MIPEP: variants seen among roughly 807,000 people sequenced by gnomAD.
The protein encoded by MIPEP is mitochondrial intermediate peptidase.
In MIPEP, 79 loss-of-function variants were observed where a neutral mutation model predicts 90.3. That is an observed-to-expected ratio of 0.87 (90% CI 0.73 to 1.05). The LOEUF is 1.05. MIPEP is among the 50% of genes least tolerant of loss of function. The pLI, the probability that MIPEP is intolerant of heterozygous loss-of-function variation, is 0.00. For synonymous variants in MIPEP, 334 were observed against 315.8 expected (o/e 1.06, Z -0.61); for missense variants, 940 against 905.6 (o/e 1.04, Z -0.49).
intron 16 of MIPEP, among the ~76,000 whole-genome samples, chr13:23,779,847 G>A (rs1344144659): frequency 6.6e-6 from 1 of 152,246 alleles, no homozygotes; most frequent in Non-Finnish European, 1.5e-5. Flanking sequence ...CACTCACAGA[G>A]CCTCGTTCAT....
chr13:23,870,028 T>C lies in MIPEP; in HGVS notation c.771A>G (p.Glu257=). 1 of 1,596,178 alleles carries C rather than the reference T, an allele frequency of 6.3e-7. No individual in the cohort carries two copies. Among genetic ancestry groups the C allele is most frequent in the Admixed American group, 1.7e-5 (1 of 57,966 alleles). The part of the protein sequence containing the change: ...DHIIIDGLHA[E]SPDDLVREAA... The stretch of plus-strand genomic sequence containing the variant: ...ACATACATACCAAGTCATCTGGTGA[T>C]TCTGCGTGGAGACCATCAATTATGA... Residue 257 remains glutamate, a synonymous_variant, in exon 6 of 19, where the codon GAA becomes GAG. Coordinates refer to ENST00000382172, the MANE Select transcript of MIPEP (RefSeq NM_005932.4).
chr13:23,886,372 G>T lies in MIPEP; in HGVS notation c.324C>A (p.Phe108Leu), dbSNP rs1254879216. The T allele has an allele frequency of 1.2e-6, 2 of 1,600,862 alleles. No individual in the cohort carries two copies. The highest frequency in any genetic ancestry group is 2.7e-5 in the African/African-American group (2 of 74,218). ...TGCATAAGGAATCCGAGAGCTCATCGAAGATCAGCACGGTCTGGGGCCCAG... is the reference window on the plus strand; with the variant it reads ...TGCATAAGGAATCCGAGAGCTCATCTAAGATCAGCACGGTCTGGGGCCCAG... ...TPPGPQTVLI[F>L]DELSDSLCRV... Residue 108 changes from phenylalanine (F) to leucine (L), a missense_variant, in exon 2 of 19, where the codon TTC becomes TTA. Phe to Leu is a conservative substitution (Grantham distance 22). Coordinates refer to ENST00000382172, the MANE Select transcript of MIPEP (RefSeq NM_005932.4).
intron 18 of MIPEP, among the ~76,000 whole-genome samples, chr13:23,755,975 G>C (rs1952487334): frequency 1.3e-5 from 2 of 151,808 alleles, no homozygotes; most frequent in Admixed American, 6.6e-5. Context: ...TTTTCTAAGA[G>C]TTTATGACAA....
intron 18 of MIPEP, among the ~76,000 whole-genome samples, chr13:23,754,509 T>C (rs188604242): frequency 3.3e-5 from 5 of 152,368 alleles, no homozygotes; most frequent in Non-Finnish European, 7.3e-5. Flanking sequence ...CATATGTGAA[T>C]TTTAGTGCAG....
chr13:23,849,214 C>A (rs1489706034), intron 10 of MIPEP, among the ~76,000 whole-genome samples: 1 of 152,220 alleles, frequency 6.6e-6, no homozygotes, highest in Non-Finnish European at 1.5e-5. Flanking sequence ...AGATGCTACA[C>A]ATAAGAACAT....
intron 16 of MIPEP, among the ~76,000 whole-genome samples, chr13:23,793,486 T>G (rs1378161153): frequency 6.6e-6 from 1 of 152,202 alleles, no homozygotes; most frequent in Non-Finnish European, 1.5e-5. Flanking sequence ...CAGAAGTTCA[T>G]GGAGCTATAA....
rs187406785 is a variant in MIPEP, at chr13:23,855,228, A to C, written c.1106+3632T>G. ...GTTACTCTTCCATGAAGAATCTTAC[A>C]ATAAAGCTTTAAAAAGGAAAAATGA... On this transcript the variant is annotated intron_variant, in intron 10 of 18. Coordinates refer to ENST00000382172, the MANE Select transcript of MIPEP (RefSeq NM_005932.4). Among the ~76,000 whole-genome samples, 14 of 152,348 alleles carry C rather than the reference A, an allele frequency of 9.2e-5. No homozygotes were observed. In the East Asian group the frequency reaches 1.7e-3, roughly 19 times the overall value.
chr13:23,757,321 C>G (rs1018409105), intron 17 of MIPEP, among the ~76,000 whole-genome samples: 6 of 152,016 alleles, frequency 3.9e-5, no homozygotes, highest in African/African-American at 1.4e-4. Context: ...GGATGGGGAG[C>G]GGCTGCAAAT....
At chr13:23,773,001 T>C (rs73448112) in intron 16 of MIPEP, among the ~76,000 whole-genome samples, 41,666 of 152,062 alleles carry the variant, frequency 0.27, 6,378 homozygotes, top group African/African-American at 0.38. Context: ...ACACACCATA[T>C]AATTCACTCT....
At chr13:23,832,428 A>G (rs1417042368) in intron 14 of MIPEP, among the ~76,000 whole-genome samples, 1 of 152,172 alleles carries the variant, frequency 6.6e-6, no homozygotes, top group Non-Finnish European at 1.5e-5. Context: ...AGACTAATAT[A>G]GCTATTAAAT....
chr13:23,781,034 G>A (rs922290852), intron 16 of MIPEP, among the ~76,000 whole-genome samples: 39 of 152,288 alleles, frequency 2.6e-4, no homozygotes, highest in Non-Finnish European at 4.7e-4. Flanking sequence ...CACTCTGCAG[G>A]ATATTATCCA....
chr13:23,833,085 A>G (rs1868850067), intron 14 of MIPEP, among the ~76,000 whole-genome samples: 1 of 152,254 alleles, frequency 6.6e-6, no homozygotes, highest in Non-Finnish European at 1.5e-5. Context: ...TGTTAAAAAA[A>G]TCCTTTCCTG....
intron 5 of MIPEP, among the ~76,000 whole-genome samples, chr13:23,872,020 G>A (rs1870831498): frequency 6.6e-6 from 1 of 152,114 alleles, no homozygotes; most frequent in Non-Finnish European, 1.5e-5. Context: ...GATCTGCCAG[G>A]CATATCACTT....
At chr13:23,885,110 C>T (rs1421783993) in intron 2 of MIPEP, among the ~76,000 whole-genome samples, 1 of 152,158 alleles carries the variant, frequency 6.6e-6, no homozygotes, top group Non-Finnish European at 1.5e-5. Flanking sequence ...CAATGGAATG[C>T]TATTCAGCCA....
intron 10 of MIPEP, among the ~76,000 whole-genome samples, chr13:23,844,706 C>T (rs1441181856): frequency 2.6e-5 from 4 of 152,090 alleles, no homozygotes; most frequent in South Asian, 4.1e-4. Flanking sequence ...AAAAGAAACA[C>T]AGTAAAGCTA....
At chr13:23,845,499 T>A (rs1869497678) in intron 10 of MIPEP, among the ~76,000 whole-genome samples, 1 of 152,230 alleles carries the variant, frequency 6.6e-6, no homozygotes, top group Admixed American at 6.5e-5. Flanking sequence ...CACCCAGAGC[T>A]CACTTCCCTG....
chr13:23,881,101 A>G lies in MIPEP; in HGVS notation c.452+598T>C, dbSNP rs139367555. Among the ~76,000 whole-genome samples the G allele has an allele frequency of 1.6e-4, 25 of 152,244 alleles. No homozygotes were observed. In the East Asian group the frequency reaches 4.3e-3, roughly 26 times the overall value. ...CACATTTACCCCAAAATCACTTTAAAATAATTCACTCTATCACAGCCTCAG... is the reference window on the plus strand; with the variant it reads ...CACATTTACCCCAAAATCACTTTAAGATAATTCACTCTATCACAGCCTCAG... On this transcript the variant is annotated intron_variant, in intron 3 of 18. Transcript: ENST00000382172.
chr13:23,872,184 G>A (rs983366039), intron 5 of MIPEP, among the ~76,000 whole-genome samples: 1 of 152,180 alleles, frequency 6.6e-6, no homozygotes, highest in South Asian at 2.1e-4. Flanking sequence ...AATTAAGGCC[G>A]GGTGCAGTGG....
intron 16 of MIPEP, among the ~76,000 whole-genome samples, chr13:23,774,020 T>C (rs1324972): frequency 0.57 from 86,704 of 152,030 alleles, 25,089 homozygotes; most frequent in South Asian, 0.65. Flanking sequence ...TAAATGTGTA[T>C]GTAATCCTAT....
Sources: gnomAD v4.1 joint callset for allele counts (sites outside exome capture counted in the v4.1 genomes callset) on GRCh38, gnomAD v4.1.1 for gene constraint, MANE v1.5 for transcripts, NCBI Gene and HGNC (gene_info 2026-07-23, HGNC 2026-07-21) for gene names.